EFCAB11: variants seen among roughly 807,000 people sequenced by gnomAD.
The protein encoded by EFCAB11 is EF-hand calcium-binding domain-containing protein 11.
A neutral mutation model predicts 23.0 loss-of-function variants in EFCAB11; 14 were observed. The ratio of observed to expected loss-of-function variants is 0.61; its 90% CI spans 0.40 to 0.95. The LOEUF is 0.95. Ranked by LOEUF, EFCAB11 falls within the 40% of genes least tolerant of loss-of-function variation. EFCAB11 has a pLI of 0.00. For synonymous variants in EFCAB11, 65 were observed against 66.6 expected (o/e 0.98, Z 0.11); for missense variants, 198 against 195.8 (o/e 1.01, Z -0.07).
At chr14:89,880,859 G>A (rs1888576574) in intron 5 of EFCAB11, among the ~76,000 whole-genome samples, 2 of 152,104 alleles carry the variant, frequency 1.3e-5, no homozygotes, top group Admixed American at 6.5e-5. Context: ...CATACCACCT[G>A]GGTTTGAATT....
At position 89,878,987 on chromosome 14, in the gene EFCAB11, T is replaced by C. The variant is rs1346883275; in HGVS notation, c.410+52554A>G. 2.6e-5 allele frequency among the ~76,000 whole-genome samples: 4 copies of C among 152,144 alleles called. No homozygotes were observed. The East Asian group carries it at 7.7e-4, about 29-fold the overall frequency. ...GTCTACTTGGTATTATTTTCTTCTA[T>C]TACTTTACCTTGTTTGAATTAACCC... On this transcript the variant is annotated intron_variant, in intron 5 of 5. Transcript: ENST00000316738.
At chr14:89,867,479 G>A (rs1362469827) in intron 5 of EFCAB11, among the ~76,000 whole-genome samples, 1 of 152,140 alleles carries the variant, frequency 6.6e-6, no homozygotes, top group Non-Finnish European at 1.5e-5. Context: ...AGTAGGGTGG[G>A]CTTTGGAGAG....
chr14:89,837,814 G>A (rs1324704662), intron 5 of EFCAB11, among the ~76,000 whole-genome samples: 2 of 152,066 alleles, frequency 1.3e-5, no homozygotes, highest in African/African-American at 4.8e-5. Context: ...TATGAATCCT[G>A]AGCATGACTC....
chr14:89,873,988 A>G (rs1888359345), intron 5 of EFCAB11, among the ~76,000 whole-genome samples: 1 of 152,128 alleles, frequency 6.6e-6, no homozygotes, highest in South Asian at 2.1e-4. Context: ...CTCTGTGTGG[A>G]GGCTCCAACC....
chr14:89,951,297 C>A (rs1891156037), intron 2 of EFCAB11, among the ~76,000 whole-genome samples: 1 of 151,958 alleles, frequency 6.6e-6, no homozygotes, highest in South Asian at 2.1e-4. Flanking sequence ...TCACTCTTAC[C>A]ACCACCACAT....
chr14:89,907,061 T>A (rs1889521580), intron 5 of EFCAB11, among the ~76,000 whole-genome samples: 1 of 152,150 alleles, frequency 6.6e-6, no homozygotes, highest in African/African-American at 2.4e-5. Flanking sequence ...CCAGGGAGGT[T>A]AACAGACATC....
chr14:89,844,347 C>T (rs761238849), intron 5 of EFCAB11, among the ~76,000 whole-genome samples: 6 of 152,160 alleles, frequency 3.9e-5, no homozygotes, highest in African/African-American at 2.4e-5. Flanking sequence ...ATTACGACTA[C>T]GGTTTTCACT....
chr14:89,900,654 A>C (rs1889312235), intron 5 of EFCAB11, among the ~76,000 whole-genome samples: 1 of 152,194 alleles, frequency 6.6e-6, no homozygotes, highest in Non-Finnish European at 1.5e-5. Context: ...TGTGGTACTG[A>C]CTTCTACAAT....
At chr14:89,871,409 G>A (rs913965693) in intron 5 of EFCAB11, among the ~76,000 whole-genome samples, 3 of 152,186 alleles carry the variant, frequency 2.0e-5, no homozygotes, top group South Asian at 2.1e-4. Context: ...TCTCTGTACA[G>A]TTGTTTCAAT....
At chr14:89,923,835 C>T (rs1431247557) in intron 5 of EFCAB11, 1 of 985,286 alleles carries the variant, frequency 1.0e-6, no homozygotes, top group Admixed American at 6.2e-5. Flanking sequence ...CACAAGTTGG[C>T]TGCTGGCAGA....
chr14:89,864,557 A>T (rs979014269), intron 5 of EFCAB11, among the ~76,000 whole-genome samples: 5 of 151,864 alleles, frequency 3.3e-5, no homozygotes, highest in Non-Finnish European at 7.4e-5. Flanking sequence ...CCCAAATAGT[A>T]GCTGGGACTA....
intron 5 of EFCAB11, among the ~76,000 whole-genome samples, chr14:89,861,181 G>T (rs1887908219): frequency 6.6e-6 from 1 of 152,034 alleles, no homozygotes. Context: ...TAAAGCCTCT[G>T]CCTATTACAC....
At chr14:89,924,359 C>T in intron 5 of EFCAB11, 1 of 1,139,546 alleles carries the variant, frequency 8.8e-7, no homozygotes, top group Non-Finnish European at 1.1e-6. Flanking sequence ...CATCATGTGG[C>T]AATCTGCCTG....
intron 5 of EFCAB11, among the ~76,000 whole-genome samples, chr14:89,818,639 T>C (rs940189557): frequency 2.6e-5 from 4 of 152,120 alleles, no homozygotes; most frequent in Admixed American, 2.6e-4. Flanking sequence ...CTTTGCAAAG[T>C]ACATACCTGA....
At chr14:89,929,688 G>A (rs1273341278) in intron 5 of EFCAB11, among the ~76,000 whole-genome samples, 2 of 152,158 alleles carry the variant, frequency 1.3e-5, no homozygotes, top group Non-Finnish European at 2.9e-5. Flanking sequence ...GCCTGGCCAG[G>A]ACATTCCATT....
intron 5 of EFCAB11, among the ~76,000 whole-genome samples, chr14:89,916,453 G>A (rs1000398740): frequency 4.6e-5 from 7 of 152,124 alleles, no homozygotes; most frequent in Non-Finnish European, 7.4e-5. Flanking sequence ...AGTTTAAATC[G>A]CTATACAAAT....
intron 5 of EFCAB11, among the ~76,000 whole-genome samples, chr14:89,843,582 T>G (rs1346551325): frequency 6.6e-6 from 1 of 152,236 alleles, no homozygotes; most frequent in Non-Finnish European, 1.5e-5. Context: ...TGTGCTACAC[T>G]GTAACTCAGT....
intron 5 of EFCAB11, among the ~76,000 whole-genome samples, chr14:89,841,655 C>T (rs905777065): frequency 2.0e-5 from 3 of 152,010 alleles, no homozygotes; most frequent in African/African-American, 7.3e-5. Flanking sequence ...GACTCTATTC[C>T]CCTTGCCTCA....
rs1282386026 is a variant in EFCAB11, at chr14:89,931,546, T to C, written c.405A>G (p.Val135=). Reference sequence around the variant, plus strand: ...GAAGGATTTTGATGCCTTACCTGAATACCTCAAGAACAGTCCTTTCCGGTA... The same window carrying C: ...GAAGGATTTTGATGCCTTACCTGAACACCTCAAGAACAGTCCTTTCCGGTA... ...PKLPERTVLE[V]FREVDRDSDG... is the part of the protein sequence containing the mutation. The change falls in exon 5 of 6, where the codon GTA becomes GTG. Residue 135 remains valine (V), a synonymous_variant. Transcript: ENST00000316738. 9 of 1,612,820 alleles carry C rather than the reference T, an allele frequency of 5.6e-6. No homozygotes were observed. Among genetic ancestry groups the C allele is most frequent in the Middle Eastern group, 1.6e-4 (1 of 6,078 alleles).
Sources: allele counts gnomAD v4.1 joint callset (sites outside exome capture counted in the v4.1 genomes callset), GRCh38; gene constraint gnomAD v4.1.1; transcripts MANE v1.5; gene names NCBI Gene and HGNC (gene_info 2026-07-23, HGNC 2026-07-21).